Variants in SEMA3A observed in about 807,000 individuals in gnomAD.
The protein encoded by SEMA3A is semaphorin 3A, also known as semaphorin-3A.
A neutral mutation model predicts 97.9 loss-of-function variants in SEMA3A; 29 were observed. The observed-to-expected ratio is 0.30, with a 90% CI of 0.22 to 0.40. SEMA3A has a LOEUF of 0.40. SEMA3A is among the 10% of genes least tolerant of loss of function. The pLI is 1.00. For missense variants in SEMA3A, 763 were observed against 951.3 expected (o/e 0.80, Z 2.60); for synonymous variants, 321 against 323.7 (o/e 0.99, Z 0.09).
intron 3 of SEMA3A, among the ~76,000 whole-genome samples, chr7:84,204,400 G>A (rs28430682): frequency 3.9e-4 from 60 of 152,242 alleles, no homozygotes; most frequent in African/African-American, 1.4e-3. Context: ...CAAATACAAG[G>A]ACATCGAGGA....
chr7:84,057,562 C>T (rs188504855), intron 5 of SEMA3A, among the ~76,000 whole-genome samples: 6 of 152,052 alleles, frequency 3.9e-5, no homozygotes, highest in Admixed American at 1.3e-4. Context: ...GTCAGGAGTT[C>T]GAGACCAGCC....
At chr7:84,347,410 CTTT>C (rs549082504) in intron 2 of SEMA3A, among the ~76,000 whole-genome samples, 3 of 136,484 alleles carry the variant, frequency 2.2e-5, no homozygotes, top group Admixed American at 7.6e-5. Flanking sequence ...TTCTTCAAAC[CTTT>C]TTTTTTTTTT....
chr7:84,130,317 T>A (rs2116024346), intron 2 of SEMA3A, among the ~76,000 whole-genome samples: 1 of 152,218 alleles, frequency 6.6e-6, no homozygotes, highest in African/African-American at 2.4e-5. Context: ...TCTGGAGAAT[T>A]ACAAAGCAAA....
intron 3 of SEMA3A, among the ~76,000 whole-genome samples, chr7:84,119,475 T>C (rs1003954686): frequency 3.3e-5 from 5 of 152,152 alleles, no homozygotes; most frequent in African/African-American, 1.2e-4. Context: ...TGGCAGAATT[T>C]TGGGAAAGTT....
At chr7:84,055,409 C>T (rs895140733) in intron 5 of SEMA3A, among the ~76,000 whole-genome samples, 28 of 152,148 alleles carry the variant, frequency 1.8e-4, no homozygotes, top group Non-Finnish European at 2.5e-4. Flanking sequence ...TCTCCTGGTG[C>T]GCCGTTTTTT....
At chr7:84,062,678 G>A (rs567459529) in intron 4 of SEMA3A, among the ~76,000 whole-genome samples, 46 of 152,282 alleles carry the variant, frequency 3.0e-4, no homozygotes, top group Middle Eastern at 3.4e-3. Flanking sequence ...TGGAAAATCC[G>A]GTCACTCCCA....
chr7:84,164,151 T>A (rs986563076), intron 1 of SEMA3A, among the ~76,000 whole-genome samples: 13 of 152,162 alleles, frequency 8.5e-5, no homozygotes, highest in Admixed American at 3.3e-4. Flanking sequence ...AGCCACACAG[T>A]ACTATTTTTA....
intron 15 of SEMA3A, among the ~76,000 whole-genome samples, chr7:83,973,819 C>G (rs1789016204): frequency 6.6e-6 from 1 of 150,626 alleles, no homozygotes; most frequent in African/African-American, 2.4e-5. Flanking sequence ...TGGCATTCAA[C>G]TAGAAGATAG....
intron 6 of SEMA3A, among the ~76,000 whole-genome samples, chr7:84,038,811 C>T (rs562508383): frequency 7.2e-4 from 110 of 152,182 alleles, no homozygotes; most frequent in Middle Eastern, 3.4e-3. Context: ...TAAATTAACA[C>T]GTACAGAAAC....
chr7:84,226,532 G>A (rs182850023), intron 3 of SEMA3A, among the ~76,000 whole-genome samples: 147 of 152,106 alleles, frequency 9.7e-4, no homozygotes, highest in African/African-American at 3.1e-3. Flanking sequence ...TGTTACCCAC[G>A]AGAGTAACCA....
At chr7:84,099,109 C>T (rs57972450) in intron 4 of SEMA3A, among the ~76,000 whole-genome samples, 7,591 of 48,082 alleles carry the variant, frequency 0.16, 1,271 homozygotes, top group African/African-American at 0.3. Flanking sequence ...CTCGCTCTGT[C>T]GCCCAGGCTG....
chr7:84,003,418 C>T (rs1489449268), intron 11 of SEMA3A, among the ~76,000 whole-genome samples: 1 of 152,080 alleles, frequency 6.6e-6, no homozygotes, highest in Non-Finnish European at 1.5e-5. Context: ...GATTACTCAA[C>T]TAGGATCAAT....
chr7:84,296,186 C>T (rs899198162), intron 3 of SEMA3A, among the ~76,000 whole-genome samples: 1 of 151,828 alleles, frequency 6.6e-6, no homozygotes, highest in Admixed American at 6.6e-5. Flanking sequence ...AAAATATGAA[C>T]GTATTTTTTT....
chr7:84,417,169 G>A (rs1005038499), intron 1 of SEMA3A, among the ~76,000 whole-genome samples: 2 of 151,908 alleles, frequency 1.3e-5, no homozygotes, highest in Admixed American at 1.3e-4. Flanking sequence ...TTACTATATT[G>A]TGATTTAATA....
chr7:84,492,118 C>T (rs1004630356), intron 1 of SEMA3A, among the ~76,000 whole-genome samples: 2 of 152,060 alleles, frequency 1.3e-5, no homozygotes, highest in South Asian at 4.2e-4. Context: ...TGTGTGTTCT[C>T]GAAACTGACA....
chr7:84,185,692 GAAAA>G (rs71078810), intron 1 of SEMA3A, among the ~76,000 whole-genome samples: 9 of 78,128 alleles, frequency 1.2e-4, no homozygotes, highest in Non-Finnish European at 1.9e-4. Flanking sequence ...ACTCTGGCAG[GAAAA>G]AAAAAAAAAA....
At chr7:84,430,062 G>A (rs917285221) in intron 1 of SEMA3A, among the ~76,000 whole-genome samples, 4 of 151,860 alleles carry the variant, frequency 2.6e-5, no homozygotes, top group African/African-American at 9.7e-5. Flanking sequence ...GAGTGGGTTT[G>A]TTTCTTTGTC....
Position 83,957,042 on chromosome 7 carries a change from C to T in SEMA3A, c.*4329G>A, listed in dbSNP as rs924720640. ...TCTTTGTGCCAGGCATCATGCTAGA[C>T]ACTGGGGACAGAGATCAATTAGATA... On this transcript the variant is annotated 3_prime_UTR_variant, in exon 17 of 17. Transcript: ENST00000265362. 2.0e-5 allele frequency: 3 copies of T among 152,114 alleles called. No homozygotes were observed. Among genetic ancestry groups the T allele is most frequent in the Non-Finnish European group, 2.9e-5 (2 of 68,072 alleles). The allele number at this position is 152,114 out of a possible 1,614,324, so 9.4% of individuals were successfully genotyped here. A position where few individuals can be genotyped will look rare whatever the true frequency, so the allele number is the denominator to read the frequency against.
chr7:84,324,308 T>C (rs897813692), intron 2 of SEMA3A, among the ~76,000 whole-genome samples: 2 of 152,200 alleles, frequency 1.3e-5, no homozygotes, highest in Non-Finnish European at 2.9e-5. Flanking sequence ...CATTCAAATC[T>C]TGTTCATTAG....
Sources: gnomAD v4.1 joint callset for allele counts (sites outside exome capture counted in the v4.1 genomes callset) on GRCh38, gnomAD v4.1.1 for gene constraint, MANE v1.5 for transcripts, NCBI Gene and HGNC (gene_info 2026-07-23, HGNC 2026-07-21) for gene names.